PKMYT1: variants seen among roughly 807,000 people sequenced by gnomAD.
PKMYT1 encodes the protein membrane-associated tyrosine- and threonine-specific cdc2-inhibitory kinase.
Under a neutral mutation model 49.7 loss-of-function variants are expected in PKMYT1, and 35 were observed. The ratio of observed to expected loss-of-function variants is 0.70; its 90% CI spans 0.54 to 0.93. The LOEUF (loss-of-function observed/expected upper bound fraction) is 0.93, where lower values mean the gene tolerates loss of function less well. PKMYT1 is among the 40% of genes least tolerant of loss of function. PKMYT1 has a pLI of 0.00. For missense variants in PKMYT1, 677 were observed against 673.1 expected, an observed-to-expected ratio of 1.01 and a Z score of -0.06; for synonymous variants, 331 against 287.6, an observed-to-expected ratio of 1.15 and a Z score of -1.53.
chr16:2,973,529 G>T, intron 7 of PKMYT1: 1 of 1,171,664 alleles, frequency 8.5e-7, no homozygotes, highest in Non-Finnish European at 1.2e-6. Context: ...CCCGAGGGAT[G>T]AGGTGATGTG....
intron 7 of PKMYT1, 142 bp downstream of exon 7, chr16:2,973,858 C>T: frequency 2.1e-6 from 2 of 931,884 alleles, no homozygotes; most frequent in Non-Finnish European, 3.3e-6. Flanking sequence ...AGGCCACACA[C>T]CCCCAGTCTT....
At chr16:2,977,468 C>CTTT (rs2072230591) in intron 2 of PKMYT1, 1 of 996,446 alleles carries the variant, frequency 1.0e-6, no homozygotes, top group Non-Finnish European at 1.2e-6. Context: ...AAGTGTCTTT[C>CTTT]TTTTTCATAA....
Position 2,975,681 on chromosome 16 carries a change from G to A in PKMYT1, c.510C>T (p.Cys170=), listed in dbSNP as rs1321208229. 9 of 1,610,110 alleles carry A rather than the reference G, an allele frequency of 5.6e-6. No individual in the cohort carries two copies. Among genetic ancestry groups the A allele is most frequent in the South Asian group, 1.1e-5 (1 of 91,084 alleles). Residue 170 remains cysteine, a synonymous_variant, in exon 4 of 9, where the codon TGC becomes TGT. Coordinates refer to ENST00000262300, the MANE Select transcript of PKMYT1 (RefSeq NM_004203.5). Reference sequence around the variant, plus strand: ...CCTCCCAGGCCTGCTCCAGCCGCACGCAGCATGGGTGCTGCCCCACCTTCT... The same window carrying A: ...CCTCCCAGGCCTGCTCCAGCCGCACACAGCATGGGTGCTGCCCCACCTTCT... ...SHEKVGQHPC[C]VRLEQAWEEG...
chr16:2,979,363 A>C (rs1596456955), intron 2 of PKMYT1: 1 of 357,304 alleles, frequency 2.8e-6, no homozygotes, highest in East Asian at 4.3e-5. Flanking sequence ...TAAATAAAAA[A>C]TTAAAAAGAG....
chr16:2,976,985 T>C lies in PKMYT1; in HGVS notation c.57A>G (p.Pro19=), dbSNP rs2072214452. 1.9e-6 allele frequency: 3 copies of C among 1,565,156 alleles called. No homozygotes were observed. Among genetic ancestry groups the C allele is most frequent in the Non-Finnish European group, 1.7e-6 (2 of 1,155,904 alleles). ...AMPMPTEGTP[P]PLSGTPIPVP... is the part of the protein sequence containing the mutation. ...CTGGGATGGGGGTGCCACTCAGAGG[T>C]GGCGGGGTGCCCTCCGTGGGCATGG... The change falls in exon 3 of 9, where the codon CCA becomes CCG. Residue 19 remains proline, a synonymous_variant. Coordinates refer to ENST00000262300, the MANE Select transcript of PKMYT1 (RefSeq NM_004203.5).
At chr16:2,973,661 G>T (rs2072082649) in intron 7 of PKMYT1, 2 of 446,400 alleles carry the variant, frequency 4.5e-6, no homozygotes, top group Non-Finnish European at 4.1e-6. Context: ...TGTTCCCAGG[G>T]CAGGGCTCCC....
rs2151073917 is a variant in PKMYT1 at position 2,975,486 on chromosome 16, C to T, written c.705G>A (p.Lys235=). Residue 235 remains lysine (K), a synonymous_variant, in exon 4 of 9, where the codon AAG becomes AAA. Coordinates refer to ENST00000262300, the MANE Select transcript of PKMYT1 (RefSeq NM_004203.5). ...GGGGCCCCAGGAAGATGTTGGCAGG[C>T]TTGACATCAAGGTGCACCAGGCCCT... ...HSQGLVHLDV[K]PANIFLGPRG... 1 of 1,612,980 alleles carries T rather than the reference C, an allele frequency of 6.2e-7. No individual in the cohort carries two copies.
In PKMYT1 at chr16:2,974,668, G is replaced by C. The variant is rs771722268; in HGVS notation, c.873-12C>G. 4 of 1,533,662 alleles carry C rather than the reference G, an allele frequency of 2.6e-6. No individual in the cohort carries two copies. In the South Asian group the frequency reaches 4.8e-5, roughly 18 times the overall value. On this transcript the variant is annotated splice_polypyrimidine_tract_variant and intron_variant, in intron 4 of 8. Transcript: ENST00000262300. Reference sequence around the variant, plus strand: ...TGGTGAGGCCCAGACTGGCAGGGACGGGATGGGGACAGAAAGGGGCAGGGT... The same window carrying C: ...TGGTGAGGCCCAGACTGGCAGGGACCGGATGGGGACAGAAAGGGGCAGGGT...
chr16:2,975,057 G>A (rs1238123338), intron 4 of PKMYT1, among the ~76,000 whole-genome samples: 1 of 152,210 alleles, frequency 6.6e-6, no homozygotes, highest in African/African-American at 2.4e-5. Context: ...CCCTTAATCT[G>A]GCTGTAAATG....
At position 2,979,816 on chromosome 16, in the gene PKMYT1, C is replaced by T. The variant is rs1016494749; in HGVS notation, c.-159G>A. 2.4e-5 allele frequency: 18 copies of T among 751,422 alleles called. No homozygotes were observed. The highest frequency in any genetic ancestry group is 4.0e-5 in the Non-Finnish European group (18 of 450,216). 46.5% of individuals were successfully genotyped at this position (751,422 alleles called of 1,614,324 possible). A position where few individuals can be genotyped will look rare whatever the true frequency, so the allele number is the denominator to read the frequency against. ...GGGCCGTCTCGCCTCACCCTCTCAC[C>T]AGGCCCGACACATCTGCTGGCCACC... On this transcript the variant is annotated 5_prime_UTR_variant, in exon 2 of 9. An upstream open reading frame in the 5' UTR gains an earlier in-frame stop. Transcript: ENST00000262300.
intron 7 of PKMYT1, chr16:2,973,719 C>A: frequency 3.7e-6 from 2 of 537,826 alleles, no homozygotes; most frequent in Non-Finnish European, 3.3e-6. Flanking sequence ...ATGTTTTATC[C>A]CTGGGCACTG....
At chr16:2,980,004 G>A (rs2072298778) in intron 1 of PKMYT1, 92 bp from the exon 2 acceptor site, 1 of 356,924 alleles carries the variant, frequency 2.8e-6, no homozygotes, top group Non-Finnish European at 5.3e-6. Context: ...CTGTCACGGA[G>A]GAAGGACTGT....
chr16:2,977,829 G>C (rs1036861790), intron 2 of PKMYT1, among the ~76,000 whole-genome samples: 1 of 152,236 alleles, frequency 6.6e-6, no homozygotes, highest in Non-Finnish European at 1.5e-5. Flanking sequence ...TTGCCCAGGA[G>C]GGCCAGGTTC....
intron 2 of PKMYT1, 91 bp downstream of exon 2, chr16:2,979,557 C>T: frequency 1.9e-6 from 2 of 1,052,642 alleles, no homozygotes; most frequent in East Asian, 2.4e-5. Flanking sequence ...TGGTCACAAG[C>T]ACAGCCTCCA....
In PKMYT1 at chr16:2,973,123, C is replaced by T. The variant is rs1264289254; in HGVS notation, c.1388+15G>A. On this transcript the variant is annotated intron_variant, in intron 8 of 8. Coordinates refer to ENST00000262300, the MANE Select transcript of PKMYT1 (RefSeq NM_004203.5). ...AAAGCTAGCCCTGCCCACCCCAGCC[C>T]CTGGACCTGCTTACCTGGGTGTGCA... 49 of 1,557,582 alleles carry T rather than the reference C, an allele frequency of 3.1e-5. No homozygotes were observed. Among genetic ancestry groups the T allele is most frequent in the Non-Finnish European group, 4.0e-5 (46 of 1,147,114 alleles).
rs1180264242 is a variant in PKMYT1, at chr16:2,972,928, A to G, written c.*25T>C. 1 of 1,582,830 alleles carries G rather than the reference A, an allele frequency of 6.3e-7. No homozygotes were observed. The highest frequency in any genetic ancestry group is 2.3e-5 in the East Asian group (1 of 43,966). On this transcript the variant is annotated 3_prime_UTR_variant, in exon 9 of 9. Coordinates refer to ENST00000262300, the MANE Select transcript of PKMYT1 (RefSeq NM_004203.5). Reference sequence around the variant, plus strand: ...GGGAGAGACACAGGATAAAAGGTTAAAAGTGCAGAGGCAGAGTCTGGGGCT... The same window carrying G: ...GGGAGAGACACAGGATAAAAGGTTAGAAGTGCAGAGGCAGAGTCTGGGGCT...
chr16:2,974,966 G>A (rs1403947154), intron 4 of PKMYT1, among the ~76,000 whole-genome samples: 5 of 152,220 alleles, frequency 3.3e-5, no homozygotes, highest in African/African-American at 1.2e-4. Context: ...TCAGGGCAGT[G>A]GTTACCAGTG....
rs767104515 is a variant in PKMYT1, at chr16:2,974,539, C to T, written c.979+11G>A. On this transcript the variant is annotated intron_variant, in intron 5 of 8. Coordinates refer to ENST00000262300, the MANE Select transcript of PKMYT1 (RefSeq NM_004203.5). The stretch of plus-strand genomic sequence containing the variant: ...CCGTGGCAGCACCCCCTCCCGCCCT[C>T]ACCTACTCACCGGCAGTGAACTCAG... The T allele has an allele frequency of 6.4e-7, 1 of 1,556,404 alleles. No individual in the cohort carries two copies. Among genetic ancestry groups the T allele is most frequent in the Admixed American group, 1.9e-5 (1 of 53,892 alleles).
chr16:2,977,549 G>T, intron 2 of PKMYT1: 2 of 936,368 alleles, frequency 2.1e-6, no homozygotes, highest in Non-Finnish European at 2.5e-6. Context: ...GTGGACCCCT[G>T]CCCCAGTGAA....
Sources: allele counts gnomAD v4.1 joint callset (sites outside exome capture counted in the v4.1 genomes callset), GRCh38; gene constraint gnomAD v4.1.1; transcripts MANE v1.5; gene names NCBI Gene and HGNC (gene_info 2026-07-23, HGNC 2026-07-21).